The following SEMA6B variants were observed in gnomAD, a reference collection of about 807,000 sequenced individuals.
SEMA6B encodes semaphorin-6B.
Under a neutral mutation model 78.6 loss-of-function variants are expected in SEMA6B, and 47 were observed. The observed-to-expected ratio is 0.60, with a 90% CI of 0.47 to 0.76. SEMA6B has a LOEUF of 0.76. SEMA6B is among the 30% of genes least tolerant of loss of function. The pLI is 0.00. For missense variants in SEMA6B, 1,213 were observed against 1,269.9 expected, an observed-to-expected ratio of 0.96 and a Z score of 0.68; for synonymous variants, 632 against 592.2, an observed-to-expected ratio of 1.07 and a Z score of -0.98.
chr19:4,544,250 G>GCGCCAC lies in SEMA6B; in HGVS notation c.2012_2017dup (p.Gly671_Gly672dup), dbSNP rs1405324461. On this transcript the variant is annotated inframe_insertion, in exon 17 of 17. Transcript: ENST00000586582. The surrounding 1 kb of genome is among the most constrained non-coding windows in gnomAD (Gnocchi z 5.1). ...CAGCAGGGCCTCCGGGGGAACCCCG[G>GCGCCAC]CGCCACCGCCACCGCCTCCGCCCCG... The GCGCCAC allele has an allele frequency of 1.4e-3, 1,735 of 1,279,162 alleles. 23 individuals are homozygous for GCGCCAC. In the African/African-American group the frequency reaches 0.024, roughly 18 times the overall value. The allele number at this position is 1,279,162 out of a possible 1,614,324, so 79.2% of individuals were successfully genotyped here.
chr19:4,542,674 G>A lies in SEMA6B; in HGVS notation c.*927C>T, dbSNP rs1362026886. The A allele has an allele frequency of 9.5e-6, 6 of 632,378 alleles. No homozygotes were observed. Among genetic ancestry groups the A allele is most frequent in the South Asian group, 5.0e-5 (3 of 59,654 alleles). The allele number at this position is 632,378 out of a possible 1,614,324, so 39.2% of individuals were successfully genotyped here. On this transcript the variant is annotated 3_prime_UTR_variant, in exon 17 of 17. Coordinates refer to ENST00000586582, the MANE Select transcript of SEMA6B (RefSeq NM_032108.4). ...GAGGGCAGAGGACCCAGCCAGCCACGTGGCATGCATGGTCAGCTGGAGGTC... is the reference window on the plus strand; with the variant it reads ...GAGGGCAGAGGACCCAGCCAGCCACATGGCATGCATGGTCAGCTGGAGGTC...
In SEMA6B at chr19:4,552,630, A is replaced by T; in HGVS notation, c.781T>A (p.Ser261Thr). The change falls in exon 10 of 17, where the codon TCC becomes ACC. Residue 261 changes from serine (S) to threonine (T), a missense_variant. Physicochemically the swap from Ser to Thr is moderately conservative, Grantham distance 58. Transcript: ENST00000586582. The surrounding 1 kb of genome is among the most constrained non-coding windows in gnomAD (Gnocchi z 7.4). ...TTCTTGCACACTCGGGCCACGCGGG[A>T]CACCACCACCTGGGCGTGACAGTGG... Reference protein sequence around the residue: ...EFNYLEKVVVSRVARVCKNDV... With the variant: ...EFNYLEKVVVTRVARVCKNDV... 1 of 1,605,494 alleles carries T rather than the reference A, an allele frequency of 6.2e-7. No individual in the cohort carries two copies. Among genetic ancestry groups the T allele is most frequent in the East Asian group, 2.2e-5 (1 of 44,750 alleles).
At position 4,558,325 on chromosome 19, in the gene SEMA6B, C is replaced by A; in HGVS notation, c.121+12G>T. ...GGACTCCACCCCCGCCCAAAGACAC[C>A]CCCAGACTCACAGTCCCTGGGGGCC... On this transcript the variant is annotated intron_variant, in intron 2 of 16. Transcript: ENST00000586582. This position sits in a 1 kb window ranked among gnomAD's most constrained non-coding sequence, Gnocchi z 5.1. 7.6e-7 allele frequency: 1 copy of A among 1,321,592 alleles called. No individual in the cohort carries two copies. The highest frequency in any genetic ancestry group is 9.7e-7 in the Non-Finnish European group (1 of 1,026,110). The allele number at this position is 1,321,592 out of a possible 1,614,324, so 81.9% of individuals were successfully genotyped here.
At position 4,550,724 on chromosome 19, in the gene SEMA6B, C is replaced by G. The variant is rs370254495; in HGVS notation, c.1121+75G>C. 7.0e-4 allele frequency: 1,094 copies of G among 1,559,518 alleles called. 15 individuals carry two copies. In the South Asian group the frequency reaches 0.012, roughly 17 times the overall value. The stretch of plus-strand genomic sequence containing the variant: ...ACTCAGCATCAGCTAAATAACCACC[C>G]GGAAGCCCCAGCCCTCGGCCCTGGG... On this transcript the variant is annotated intron_variant, in intron 11 of 16. Coordinates refer to ENST00000586582, the MANE Select transcript of SEMA6B (RefSeq NM_032108.4). This position sits in a 1 kb window ranked among gnomAD's most constrained non-coding sequence, Gnocchi z 6.6.
In SEMA6B at chr19:4,543,691, G is replaced by T; in HGVS notation, c.2577C>A (p.Arg859=). Residue 859 remains arginine, a synonymous_variant, in exon 17 of 17, where the codon CGC becomes CGA. Transcript: ENST00000586582. ...CCGGCCGGGCGTGGCAGCCGCGGTGGCGGTCCCCAGGCCGGGCCTCGCCGC... is the reference window on the plus strand; with the variant it reads ...CCGGCCGGGCGTGGCAGCCGCGGTGTCGGTCCCCAGGCCGGGCCTCGCCGC... ...FNSGEARPGD[R]HRGCHARPGT... 1 of 1,230,240 alleles carries T rather than the reference G, an allele frequency of 8.1e-7. No individual in the cohort carries two copies. Among genetic ancestry groups the T allele is most frequent in the Non-Finnish European group, 1.0e-6 (1 of 986,968 alleles). The allele number at this position is 1,230,240 out of a possible 1,614,324, so 76.2% of individuals were successfully genotyped here. A position where few individuals can be genotyped will look rare whatever the true frequency, so the allele number is the denominator to read the frequency against.
In SEMA6B at chr19:4,548,423, C is replaced by G; in HGVS notation, c.1294G>C (p.Val432Leu). Residue 432 changes from valine to leucine, a missense_variant, in exon 13 of 17, where the codon GTG becomes CTG. By Grantham distance (32) the Val-to-Leu change is conservative. Transcript: ENST00000586582. Reference sequence around the variant, plus strand: ...CCCCAGGGGCCGGCTCCCACGTCCACAGCCACTCGAGTCAGCTGGTGCCTG... The same window carrying G: ...CCCCAGGGGCCGGCTCCCACGTCCAGAGCCACTCGAGTCAGCTGGTGCCTG... ...LMRHQLTRVA[V>L]DVGAGPWGNQ... is the part of the protein sequence containing the mutation. The G allele has an allele frequency of 6.2e-7, 1 of 1,612,760 alleles. No individual in the cohort carries two copies. Among genetic ancestry groups the G allele is most frequent in the Non-Finnish European group, 8.5e-7 (1 of 1,179,600 alleles).
rs1373536712 is a variant in SEMA6B at position 4,544,988 on chromosome 19, G to A, written c.1739-459C>T. 1.3e-5 allele frequency among the ~76,000 whole-genome samples: 2 copies of A among 151,872 alleles called. No individual in the cohort carries two copies. The highest frequency in any genetic ancestry group is 4.8e-5 in the African/African-American group (2 of 41,318). ...TGTTTGTTTTGAGACAGTCCCCCAG[G>A]CTAGAGTGCAGTGGTAAAGCTCACT... On this transcript the variant is annotated intron_variant, in intron 16 of 16. Coordinates refer to ENST00000586582, the MANE Select transcript of SEMA6B (RefSeq NM_032108.4). The surrounding 1 kb of genome is among the most constrained non-coding windows in gnomAD (Gnocchi z 5.1).
At position 4,550,382 on chromosome 19, in the gene SEMA6B, G is replaced by GTTTC; in HGVS notation, c.1122-111_1122-110insGAAA. On this transcript the variant is annotated intron_variant, in intron 11 of 16. Transcript: ENST00000586582. This position sits in a 1 kb window ranked among gnomAD's most constrained non-coding sequence, Gnocchi z 6.6. ...CCAACGACCCTCAGGTTTTTTGTTT[G>GTTTC]TTTTGTTTTTGAGACAGAGTCTCAA... 1.6e-6 allele frequency: 2 copies of GTTTC among 1,273,094 alleles called. No homozygotes were observed. Among genetic ancestry groups the GTTTC allele is most frequent in the South Asian group, 1.3e-5 (1 of 75,018 alleles). The allele number at this position is 1,273,094 out of a possible 1,614,324, so 78.9% of individuals were successfully genotyped here.
At chr19:4,546,296 G>A (rs1568252781) in intron 15 of SEMA6B, 22 bp from the exon 16 acceptor site, 15 of 1,612,086 alleles carry the variant, frequency 9.3e-6, no homozygotes, top group Admixed American at 5.0e-5. Flanking sequence ...AGGAGGCACC[G>A]TCAGCAGAGG....
chr19:4,554,065 G>A (rs1046356487), intron 9 of SEMA6B, among the ~76,000 whole-genome samples: 1 of 152,000 alleles, frequency 6.6e-6, no homozygotes, highest in Non-Finnish European at 1.5e-5. Context: ...GTAAGTGGGA[G>A]GGTGAGCAGG....
In SEMA6B at chr19:4,557,959, C is replaced by T; in HGVS notation, c.245+67G>A. On this transcript the variant is annotated intron_variant, in intron 3 of 16. Coordinates refer to ENST00000586582, the MANE Select transcript of SEMA6B (RefSeq NM_032108.4). The stretch of plus-strand genomic sequence containing the variant: ...TGCTCCATCCCCTCCCTGCCCTCGC[C>T]TCCTCTCTCTCTCCCCCTCGCTCAT... The T allele has an allele frequency of 2.4e-6, 3 of 1,262,574 alleles. No individual in the cohort carries two copies. In the South Asian group the frequency reaches 7.0e-5, roughly 30 times the overall value. 78.2% of individuals were successfully genotyped at this position (1,262,574 alleles called of 1,614,324 possible). A position where few individuals can be genotyped will look rare whatever the true frequency, so the allele number is the denominator to read the frequency against.
chr19:4,555,976 C>G lies in SEMA6B; in HGVS notation c.471+12G>C, dbSNP rs1402933246. On this transcript the variant is annotated intron_variant, in intron 6 of 16. Transcript: ENST00000586582. The surrounding 1 kb of genome is among the most constrained non-coding windows in gnomAD (Gnocchi z 6.1). ...AGGTTGGACCTGGGGCGCAGGGAGT[C>G]TGAAGACTCACGCTGTAGTTGGCGC... 1 of 1,609,704 alleles carries G rather than the reference C, an allele frequency of 6.2e-7. No individual in the cohort carries two copies. Among genetic ancestry groups the G allele is most frequent in the East Asian group, 2.2e-5 (1 of 44,870 alleles).
At chr19:4,546,618 T>A in intron 14 of SEMA6B, 149 bp from the exon 15 acceptor site, 1 of 442,450 alleles carries the variant, frequency 2.3e-6, no homozygotes, top group Non-Finnish European at 3.9e-6. Context: ...TTCGCTCTTG[T>A]TGTTTATTTA....
intron 14 of SEMA6B, among the ~76,000 whole-genome samples, chr19:4,547,292 G>A (rs1977195569): frequency 6.6e-6 from 1 of 152,090 alleles, no homozygotes; most frequent in South Asian, 2.1e-4. Flanking sequence ...AGCAACTTCT[G>A]GAGTCCTTAG....
In SEMA6B at chr19:4,552,459, G is replaced by T. The variant is rs1382019875; in HGVS notation, c.952C>A (p.Pro318Thr). 1.2e-6 allele frequency: 2 copies of T among 1,604,280 alleles called. No homozygotes were observed. The change falls in exon 10 of 17, where the codon CCC becomes ACC. Residue 318 changes from proline (P) to threonine (T), a missense_variant. Physicochemically the swap from Pro to Thr is conservative, Grantham distance 38. Transcript: ENST00000586582. The surrounding 1 kb of genome is among the most constrained non-coding windows in gnomAD (Gnocchi z 7.4). ...GTGGAAAAAACGGCCAGGACCACGG[G>T]CCGGCCCCCGAGGCTGACCACGCCC... ...VTGVVSLGGR[P>T]VVLAVFSTPS...
rs529191124 is a variant in SEMA6B, at chr19:4,553,379, G to GTGGA, written c.772-744_772-741dup. 9.1e-4 allele frequency among the ~76,000 whole-genome samples: 106 copies of GTGGA among 116,602 alleles called. 4 individuals carry two copies. Among genetic ancestry groups the GTGGA allele is most frequent in the Middle Eastern group, 5.3e-3 (1 of 188 alleles). 76.5% of individuals were successfully genotyped at this position (116,602 alleles called of 152,430 possible). A position where few individuals can be genotyped will look rare whatever the true frequency, so the allele number is the denominator to read the frequency against. Reference sequence around the variant, plus strand: ...GGTGGGTAGATGGTTGGATGGGTGAGTGGATGGATGGATGGATGGATGGAT... The same window carrying GTGGA: ...GGTGGGTAGATGGTTGGATGGGTGAGTGGATGGATGGATGGATGGATGGATGGAT... On this transcript the variant is annotated intron_variant, in intron 9 of 16. Transcript: ENST00000586582.
chr19:4,552,299 C>T lies in SEMA6B; in HGVS notation c.989+123G>A, dbSNP rs1977352962. ...CCACCCCAGCCTGGGGCCGAGGCCTCTCAGAGGTCTAATCCAGTGGTGCCC... is the reference window on the plus strand; with the variant it reads ...CCACCCCAGCCTGGGGCCGAGGCCTTTCAGAGGTCTAATCCAGTGGTGCCC... On this transcript the variant is annotated intron_variant, in intron 10 of 16. Coordinates refer to ENST00000586582, the MANE Select transcript of SEMA6B (RefSeq NM_032108.4). This position sits in a 1 kb window ranked among gnomAD's most constrained non-coding sequence, Gnocchi z 7.4. 1 of 982,092 alleles carries T rather than the reference C, an allele frequency of 1.0e-6. No homozygotes were observed. The highest frequency in any genetic ancestry group is 1.6e-5 in the African/African-American group (1 of 60,970). 60.8% of individuals were successfully genotyped at this position (982,092 alleles called of 1,614,324 possible).
At chr19:4,556,793 G>T (rs1320141860) in intron 5 of SEMA6B, among the ~76,000 whole-genome samples, 158 bp downstream of exon 5, 2 of 133,866 alleles carry the variant, frequency 1.5e-5, no homozygotes, top group African/African-American at 5.6e-5. Context: ...TGGGGGTGTG[G>T]CCAGGGCTGG....
rs1977091606 is a variant in SEMA6B, at chr19:4,543,937, G to C, written c.2331C>G (p.Ala777=). The part of the protein sequence containing the change: ...EPTPDGRLYA[A]RPGRASHGDF... ...CGCCGTGGGAGGCGCGGCCGGGCCG[G>C]GCAGCATAGAGGCGGCCGTCGGGGG... Residue 777 remains alanine, a synonymous_variant, in exon 17 of 17, where the codon GCC becomes GCG. Transcript: ENST00000586582. The C allele has an allele frequency of 8.3e-7, 1 of 1,201,722 alleles. No individual in the cohort carries two copies. Among genetic ancestry groups the C allele is most frequent in the Non-Finnish European group, 1.0e-6 (1 of 969,122 alleles). The allele number at this position is 1,201,722 out of a possible 1,614,324, so 74.4% of individuals were successfully genotyped here.
Sources: allele counts gnomAD v4.1 joint callset (sites outside exome capture counted in the v4.1 genomes callset), GRCh38; gene constraint gnomAD v4.1.1; non-coding constraint Gnocchi (gnomAD v3.1); transcripts MANE v1.5; gene names NCBI Gene and HGNC (gene_info 2026-07-23, HGNC 2026-07-21).